The following ARSG variants were observed in gnomAD, a reference collection of about 807,000 sequenced individuals.
ARSG encodes the protein arylsulfatase G, also known as ASG.
A neutral mutation model predicts 50.5 loss-of-function variants in ARSG; 37 were observed. That is an observed-to-expected ratio of 0.73 (90% CI 0.56 to 0.96). The LOEUF is 0.96. Ranked by LOEUF, ARSG falls within the 50% of genes least tolerant of loss-of-function variation. ARSG has a pLI of 0.00. For missense variants in ARSG, 629 were observed against 675.3 expected, an observed-to-expected ratio of 0.93 and a Z score of 0.76; for synonymous variants, 225 against 254.6, an observed-to-expected ratio of 0.88 and a Z score of 1.11.
chr17:68,310,435 A>G (rs782689477), intron 2 of ARSG, among the ~76,000 whole-genome samples: 2 of 152,250 alleles, frequency 1.3e-5, no homozygotes, highest in African/African-American at 2.4e-5. Context: ...CTAAGGGACC[A>G]CAAAAGAGGA....
chr17:68,333,582 C>T lies in ARSG; in HGVS notation c.219-10022C>T, dbSNP rs9674478. On this transcript the variant is annotated intron_variant, in intron 2 of 11. Transcript: ENST00000621439. ...GGTGGAGGTTGCAGTGAGCCGAGATCGTGCCATTGCACTCCAGCCTGGGCA... is the reference window on the plus strand; with the variant it reads ...GGTGGAGGTTGCAGTGAGCCGAGATTGTGCCATTGCACTCCAGCCTGGGCA... 3.7e-3 allele frequency among the ~76,000 whole-genome samples: 563 copies of T among 151,366 alleles called. 4 individuals carry two copies. The highest frequency in any genetic ancestry group is 0.013 in the African/African-American group (538 of 41,260).
At chr17:68,379,757 A>G in intron 8 of ARSG, 1 of 911,890 alleles carries the variant, frequency 1.1e-6, no homozygotes, top group Non-Finnish European at 1.3e-6. Flanking sequence ...ACCCTGTCGA[A>G]TGACATTCAG....
At chr17:68,396,002 GT>G (rs757607546) in intron 10 of ARSG, among the ~76,000 whole-genome samples, 21 of 104,390 alleles carry the variant, frequency 2.0e-4, no homozygotes, top group Admixed American at 4.4e-4. Flanking sequence ...TTGGCAGCCT[GT>G]TTTTTTTTTT....
At chr17:68,292,556 C>T (rs2076049262) in intron 1 of ARSG, among the ~76,000 whole-genome samples, 1 of 152,218 alleles carries the variant, frequency 6.6e-6, no homozygotes, top group Non-Finnish European at 1.5e-5. Flanking sequence ...CGTATGCAGA[C>T]TTTGGCGCCG....
chr17:68,265,208 A>C (rs1165327883), intron 1 of ARSG, among the ~76,000 whole-genome samples: 1 of 151,204 alleles, frequency 6.6e-6, no homozygotes, highest in Non-Finnish European at 1.5e-5. Context: ...TGTGTTAGCT[A>C]TAATGTCGGG....
chr17:68,443,395 G>A, the ARSG span, among the ~76,000 whole-genome samples: 1 of 152,168 alleles, frequency 6.6e-6, no homozygotes, highest in Non-Finnish European at 1.5e-5. Context: ...TTATAGGTGT[G>A]AGCCACCGCA....
In ARSG at chr17:68,379,421, A is replaced by ATTTTTTTTTT. The variant is rs375841879; in HGVS notation, c.983-5623_983-5614dup. On this transcript the variant is annotated intron_variant, in intron 8 of 11. Coordinates refer to ENST00000621439, the MANE Select transcript of ARSG (RefSeq NM_001267727.2). ...GTGCCACCATGCCTGGAACACTACA[A>ATTTTTTTTTT]TTTTTTTTTTTTTTTTTTTTTTTTT... Among the ~76,000 whole-genome samples the ATTTTTTTTTT allele has an allele frequency of 2.6e-4, 19 of 72,268 alleles. 3 individuals carry two copies. The highest frequency in any genetic ancestry group is 1.1e-3 in the African/African-American group (17 of 15,828). The allele number at this position is 72,268 out of a possible 152,430, so 47.4% of individuals were successfully genotyped here.
intron 2 of ARSG, among the ~76,000 whole-genome samples, chr17:68,311,330 C>T (rs372459103): frequency 6.6e-6 from 1 of 152,086 alleles, no homozygotes; most frequent in Admixed American, 6.6e-5. Flanking sequence ...CAGTTGTACA[C>T]GAGGGCCTCA....
intron 2 of ARSG, among the ~76,000 whole-genome samples, chr17:68,308,142 A>G (rs2076681094): frequency 6.6e-6 from 1 of 152,096 alleles, no homozygotes; most frequent in South Asian, 2.1e-4. Context: ...CACTTCTACA[A>G]AAAATAAAAG....
At chr17:68,398,341 A>G (rs988868430) in intron 10 of ARSG, among the ~76,000 whole-genome samples, 1 of 152,208 alleles carries the variant, frequency 6.6e-6, no homozygotes, top group East Asian at 1.9e-4. Flanking sequence ...GTCCAGGCAC[A>G]TAAATAGAGA....
At chr17:68,274,016 A>G in intron 1 of ARSG, 1 of 1,614,152 alleles carries the variant, frequency 6.2e-7, no homozygotes. Flanking sequence ...TAGCCCCCCC[A>G]ACATCACTAC....
chr17:68,391,366 C>T (rs1221345981), intron 9 of ARSG, among the ~76,000 whole-genome samples: 1 of 152,126 alleles, frequency 6.6e-6, no homozygotes, highest in Non-Finnish European at 1.5e-5. Context: ...AGTCACTGGA[C>T]ATGTTGAAGC....
intron 1 of ARSG, among the ~76,000 whole-genome samples, chr17:68,259,987 G>A (rs551032389): frequency 5.9e-5 from 9 of 152,280 alleles, no homozygotes; most frequent in African/African-American, 1.7e-4. Flanking sequence ...ACCGTTTAAT[G>A]TCTACATTAA....
rs954399062 is a variant in ARSG at position 68,333,093 on chromosome 17, G to A, written c.219-10511G>A. ...TGGGAGGCTGAGGTGGGTGGATCAT[G>A]AGGTCAGGAGATTGAGACCATCCTG... On this transcript the variant is annotated intron_variant, in intron 2 of 11. Transcript: ENST00000621439. Among the ~76,000 whole-genome samples the A allele has an allele frequency of 2.6e-5, 4 of 151,522 alleles. No homozygotes were observed. In the East Asian group the frequency reaches 7.8e-4, roughly 30 times the overall value.
intron 1 of ARSG, among the ~76,000 whole-genome samples, chr17:68,306,015 T>A (rs2076592863): frequency 1.3e-5 from 2 of 152,082 alleles, no homozygotes; most frequent in Admixed American, 1.3e-4. Flanking sequence ...CTTCTTTTTT[T>A]TTTTGAGATG....
rs782334096 is a variant in ARSG at position 68,307,622 on chromosome 17, C to T, written c.129C>T (p.Ala43=). The T allele has an allele frequency of 1.1e-5, 18 of 1,612,988 alleles. No homozygotes were observed. The highest frequency in any genetic ancestry group is 6.6e-5 in the South Asian group (6 of 91,056). Residue 43 remains alanine (A), a synonymous_variant, in exon 2 of 12, where the codon GCC becomes GCT. Coordinates refer to ENST00000621439, the MANE Select transcript of ARSG (RefSeq NM_001267727.2). The part of the protein sequence containing the change: ...GQKPNFVIIL[A]DDMGWGDLGA... ...AGCCAAACTTTGTGATTATTTTGGC[C>T]GATGACATGGGGTGGGGTGACCTGG...
At chr17:68,450,632 G>T in the ARSG span, 1 of 1,451,910 alleles carries the variant, frequency 6.9e-7, no homozygotes, top group East Asian at 2.3e-5. Context: ...AGAATTGGAA[G>T]CTTGTTTTAC....
Position 68,353,623 on chromosome 17 carries a change from G to A in ARSG, c.566+1937G>A, listed in dbSNP as rs553391325. Among the ~76,000 whole-genome samples the A allele has an allele frequency of 1.6e-4, 24 of 152,218 alleles. No individual in the cohort carries two copies. The East Asian group carries it at 4.6e-3, about 29-fold the overall frequency. ...CCTTCTTACCCACCGTGGCCTGCTG[G>A]GCATACCTGTAATCACACCTGGCCA... On this transcript the variant is annotated intron_variant, in intron 5 of 11. Coordinates refer to ENST00000621439, the MANE Select transcript of ARSG (RefSeq NM_001267727.2).
chr17:68,432,697 G>C, the ARSG span, among the ~76,000 whole-genome samples: 1 of 152,262 alleles, frequency 6.6e-6, no homozygotes, highest in East Asian at 1.9e-4. Flanking sequence ...CTCCATCCAA[G>C]GGTACCAGCA....
Sources: allele counts gnomAD v4.1 joint callset (sites outside exome capture counted in the v4.1 genomes callset), GRCh38; gene constraint gnomAD v4.1.1; transcripts MANE v1.5; gene names NCBI Gene and HGNC (gene_info 2026-07-23, HGNC 2026-07-21).